FBXO4: variants seen among roughly 807,000 people sequenced by gnomAD.
FBXO4 encodes the protein F-box only protein 4.
FBXO4 carries 36 observed loss-of-function variants against 43.7 expected under a neutral mutation model. That is an observed-to-expected ratio of 0.82 (90% CI 0.63 to 1.09). FBXO4 has a LOEUF of 1.09. Among genes scored for constraint, FBXO4 ranks in the 50% least tolerant of loss-of-function variants. The probability of loss-of-function intolerance (pLI) is 0.00; values close to 1 mark genes in which losing one functional copy is unlikely to be tolerated. For missense variants in FBXO4, 435 were observed against 474.1 expected (o/e 0.92, Z 0.77); for synonymous variants, 180 against 165.6 (o/e 1.09, Z -0.67).
chr5:41,942,860 GT>G (rs1010975117), downstream of FBXO4, among the ~76,000 whole-genome samples: 3 of 151,996 alleles, frequency 2.0e-5, no homozygotes, highest in African/African-American at 7.2e-5. Context: ...CATTTTAGAT[GT>G]TTTTCTCCAT....
the FBXO4 span, among the ~76,000 whole-genome samples, chr5:42,020,217 A>G: frequency 6.6e-6 from 1 of 152,180 alleles, no homozygotes; most frequent in Admixed American, 6.6e-5. Context: ...AATTAAATAT[A>G]ACAGCAAAAT....
At chr5:41,960,812 G>A in the FBXO4 span, among the ~76,000 whole-genome samples, 3 of 151,428 alleles carry the variant, frequency 2.0e-5, no homozygotes, top group African/African-American at 7.3e-5. Context: ...TTATTTTATT[G>A]TATTATTTCT....
At chr5:42,033,899 T>C in the FBXO4 span, among the ~76,000 whole-genome samples, 2 of 152,194 alleles carry the variant, frequency 1.3e-5, no homozygotes, top group African/African-American at 2.4e-5. Flanking sequence ...CTGAGTAAAA[T>C]GGTGTTTCTG....
the FBXO4 span, among the ~76,000 whole-genome samples, chr5:41,996,207 C>T: frequency 6.6e-6 from 1 of 152,152 alleles, no homozygotes; most frequent in African/African-American, 2.4e-5. Context: ...ACATATATAC[C>T]ACTTCCATTT....
At chr5:41,975,254 G>T in the FBXO4 span, among the ~76,000 whole-genome samples, 2 of 152,332 alleles carry the variant, frequency 1.3e-5, no homozygotes, top group East Asian at 3.9e-4. Flanking sequence ...GGAAGCAAGT[G>T]CTTACATCTC....
chr5:42,024,382 G>A, the FBXO4 span, among the ~76,000 whole-genome samples: 6 of 151,720 alleles, frequency 4.0e-5, no homozygotes, highest in Non-Finnish European at 8.8e-5. Flanking sequence ...TGAAAACAAT[G>A]CCATACTCTT....
Position 41,929,681 on chromosome 5 carries a change from T to G in FBXO4, c.426-16T>G, listed in dbSNP as rs1479246744. On this transcript the variant is annotated splice_polypyrimidine_tract_variant and intron_variant, in intron 2 of 6. Transcript: ENST00000281623. ...GTTTTCTGTGTTAATGTTCTAATTGTGACAATTTTTTACAGCTATAGAATG... is the reference window on the plus strand; with the variant it reads ...GTTTTCTGTGTTAATGTTCTAATTGGGACAATTTTTTACAGCTATAGAATG... The G allele has an allele frequency of 6.4e-7, 1 of 1,560,124 alleles. No homozygotes were observed. The highest frequency in any genetic ancestry group is 8.6e-7 in the Non-Finnish European group (1 of 1,156,420).
chr5:41,975,483 T>A, the FBXO4 span, among the ~76,000 whole-genome samples: 7 of 152,224 alleles, frequency 4.6e-5, no homozygotes, highest in Admixed American at 1.3e-4. Flanking sequence ...ATATTGTGTG[T>A]ATTAATGAGA....
At chr5:41,929,316 G>T (rs978107790) in intron 2 of FBXO4, among the ~76,000 whole-genome samples, 1 of 152,196 alleles carries the variant, frequency 6.6e-6, no homozygotes, top group African/African-American at 2.4e-5. Flanking sequence ...CAATAAACTT[G>T]TTGTTCAGAC....
chr5:41,992,026 C>T, the FBXO4 span, among the ~76,000 whole-genome samples: 1 of 152,076 alleles, frequency 6.6e-6, no homozygotes, highest in African/African-American at 2.4e-5. Context: ...TGCGGTGAGC[C>T]GAGATGGCGC....
chr5:42,031,770 A>C, the FBXO4 span, among the ~76,000 whole-genome samples: 1 of 151,878 alleles, frequency 6.6e-6, no homozygotes, highest in Admixed American at 6.6e-5. Flanking sequence ...GGCATTGAAG[A>C]GGTAGATATT....
chr5:41,994,896 G>T, the FBXO4 span, among the ~76,000 whole-genome samples: 1 of 152,098 alleles, frequency 6.6e-6, no homozygotes, highest in Non-Finnish European at 1.5e-5. Flanking sequence ...GATGGTGAGT[G>T]TTGTCACTTC....
chr5:41,968,344 A>C, the FBXO4 span: 1 of 153,896 alleles, frequency 6.5e-6, no homozygotes, highest in South Asian at 1.8e-4. Context: ...ACCAACGCTG[A>C]CATGAGGGAA....
chr5:41,966,388 G>A, the FBXO4 span, among the ~76,000 whole-genome samples: 1 of 152,000 alleles, frequency 6.6e-6, no homozygotes, highest in Non-Finnish European at 1.5e-5. Context: ...CTTTAACAAT[G>A]AAGTTAAACT....
Position 41,929,920 on chromosome 5 carries a change from A to G in FBXO4, c.646+3A>G. The G allele has an allele frequency of 5.6e-6, 9 of 1,596,298 alleles. No individual in the cohort carries two copies. The highest frequency in any genetic ancestry group is 1.1e-5 in the South Asian group (1 of 88,266). Reference sequence around the variant, plus strand: ...TTTGCCTCAGAGGCAGATTGATGGTAATTTTCATGTTAATCTACAGTTAAT... The same window carrying G: ...TTTGCCTCAGAGGCAGATTGATGGTGATTTTCATGTTAATCTACAGTTAAT... On this transcript the variant is annotated splice_donor_region_variant and intron_variant, in intron 3 of 6. Transcript: ENST00000281623.
At chr5:42,010,234 T>C in the FBXO4 span, among the ~76,000 whole-genome samples, 1 of 152,180 alleles carries the variant, frequency 6.6e-6, no homozygotes, top group Non-Finnish European at 1.5e-5. Flanking sequence ...GTGCGGTGGC[T>C]CACGCCTGTA....
chr5:41,951,313 C>T, the FBXO4 span: 7 of 195,728 alleles, frequency 3.6e-5, no homozygotes, highest in Admixed American at 1.2e-4. Context: ...AGCTTTAACA[C>T]TATTCAGCGG....
chr5:42,035,731 A>C, the FBXO4 span, among the ~76,000 whole-genome samples: 1 of 152,142 alleles, frequency 6.6e-6, no homozygotes, highest in South Asian at 2.1e-4. Flanking sequence ...ACTGTCATGC[A>C]AGAGCTTTTC....
chr5:41,967,427 C>A, the FBXO4 span: 8 of 559,948 alleles, frequency 1.4e-5, no homozygotes, highest in Non-Finnish European at 2.4e-5. Context: ...ATTTGGAACA[C>A]CTGCAACAGA....
Sources: allele counts gnomAD v4.1 joint callset (sites outside exome capture counted in the v4.1 genomes callset), GRCh38; gene constraint gnomAD v4.1.1; transcripts MANE v1.5; gene names NCBI Gene and HGNC (gene_info 2026-07-23, HGNC 2026-07-21).